GPC5: variants seen among roughly 807,000 people sequenced by gnomAD.
The protein encoded by GPC5 is glypican-5.
Under a neutral mutation model 53.9 loss-of-function variants are expected in GPC5, and 47 were observed. The ratio of observed to expected loss-of-function variants is 0.87; its 90% CI spans 0.69 to 1.11. The LOEUF is 1.11. GPC5 is among the 50% of genes most tolerant of loss of function. The pLI, the probability that GPC5 is intolerant of heterozygous loss-of-function variation, is 0.00. For missense variants in GPC5, 748 were observed against 713.1 expected (o/e 1.05, Z -0.56); for synonymous variants, 286 against 263.3 (o/e 1.09, Z -0.84).
At position 91,952,589 on chromosome 13, in the gene GPC5, TG is replaced by T. The variant is rs1352780658; in HGVS notation, c.1401+44535del. ...ACCTTGAGTTACCAAAAAGAATCTCTGGGAATGAAGCAATAAGGATCCCCCA... is the reference window on the plus strand; with the variant it reads ...ACCTTGAGTTACCAAAAAGAATCTCTGGAATGAAGCAATAAGGATCCCCCA... On this transcript the variant is annotated intron_variant, in intron 6 of 7. Transcript: ENST00000377067. Among the ~76,000 whole-genome samples, 17 of 152,256 alleles carry T rather than the reference TG, an allele frequency of 1.1e-4. No homozygotes were observed. The East Asian group carries it at 3.3e-3, about 29-fold the overall frequency.
chr13:91,402,722 T>C (rs913091338), intron 1 of GPC5, among the ~76,000 whole-genome samples: 1 of 152,236 alleles, frequency 6.6e-6, no homozygotes, highest in African/African-American at 2.4e-5. Context: ...TTGTTTACTG[T>C]CTTGATTTTA....
In GPC5 at chr13:91,728,581, G is replaced by T; in HGVS notation, c.1070G>T (p.Arg357Leu). The change falls in exon 4 of 8, where the codon CGT becomes CTT. Residue 357 changes from arginine to leucine, a missense_variant. Arg to Leu is a moderately radical substitution (Grantham distance 102). Coordinates refer to ENST00000377067, the MANE Select transcript of GPC5 (RefSeq NM_004466.6). ...GTAAGAACACCCACACAAAGCCCCC[G>T]TTGTTCTTTTGATCAGAGCAAAGAG... ...RPVRTPTQSP[R>L]CSFDQSKEKH... The T allele has an allele frequency of 6.2e-7, 1 of 1,612,866 alleles. No individual in the cohort carries two copies. Among genetic ancestry groups the T allele is most frequent in the Non-Finnish European group, 8.5e-7 (1 of 1,179,196 alleles).
At chr13:91,787,569 G>A (rs1288270628) in intron 5 of GPC5, among the ~76,000 whole-genome samples, 2 of 152,082 alleles carry the variant, frequency 1.3e-5, no homozygotes, top group Non-Finnish European at 2.9e-5. Flanking sequence ...GAAAGTAGGG[G>A]GAGAAATATG....
intron 7 of GPC5, among the ~76,000 whole-genome samples, chr13:92,682,838 G>C (rs1414549209): frequency 6.6e-6 from 1 of 152,190 alleles, no homozygotes; most frequent in African/African-American, 2.4e-5. Context: ...AATATAAACT[G>C]AATGGAAAAC....
rs189552745 is a variant in GPC5, at chr13:92,330,013, T to A, written c.1561+185024T>A. On this transcript the variant is annotated intron_variant, in intron 7 of 7. Coordinates refer to ENST00000377067, the MANE Select transcript of GPC5 (RefSeq NM_004466.6). ...AGTTATACAAACAAAACTTTTTTTT[T>A]AAATGCATATTCATGCCCCAAGCCA... Among the ~76,000 whole-genome samples the A allele has an allele frequency of 1.1e-4, 17 of 152,174 alleles. No homozygotes were observed. The East Asian group carries it at 2.9e-3, about 26-fold the overall frequency.
chr13:91,699,174 A>G (rs1347356911), intron 3 of GPC5, among the ~76,000 whole-genome samples: 3 of 152,230 alleles, frequency 2.0e-5, no homozygotes, highest in East Asian at 3.8e-4. Flanking sequence ...AACTTTGGAC[A>G]GAGAAGAGAT....
Position 91,988,296 on chromosome 13 carries a change from G to A in GPC5, c.1401+80239G>A, listed in dbSNP as rs2040427028. Among the ~76,000 whole-genome samples, 3 of 152,130 alleles carry A rather than the reference G, an allele frequency of 2.0e-5. No individual in the cohort carries two copies. The South Asian group carries it at 6.2e-4, about 31-fold the overall frequency. On this transcript the variant is annotated intron_variant, in intron 6 of 7. Coordinates refer to ENST00000377067, the MANE Select transcript of GPC5 (RefSeq NM_004466.6). ...TATGAATATCCTTGTATATGAGAAA[G>A]CCAGAAAGTCAAGGAGACACAGAGA...
At chr13:92,484,528 ACATGTGAGTAATG>A (rs1208683767) in intron 7 of GPC5, 1 of 152,252 alleles carries the variant, frequency 6.6e-6, no homozygotes, top group South Asian at 2.1e-4. Flanking sequence ...ATCACCGTAA[ACATGTGAGTAATG>A]CATTGTGCTC....
At chr13:91,635,375 T>A (rs1371801937) in intron 2 of GPC5, among the ~76,000 whole-genome samples, 1 of 152,118 alleles carries the variant, frequency 6.6e-6, no homozygotes, top group Non-Finnish European at 1.5e-5. Context: ...TCTGCTTGTT[T>A]ACACCTACTA....
chr13:92,679,883 C>A (rs1469257217), intron 7 of GPC5, among the ~76,000 whole-genome samples: 3 of 140,398 alleles, frequency 2.1e-5, no homozygotes, highest in African/African-American at 5.2e-5. Flanking sequence ...CTCTCTCCAC[C>A]CCCCCACCCT....
At chr13:92,281,893 T>A (rs547664564) in intron 7 of GPC5, among the ~76,000 whole-genome samples, 6 of 151,996 alleles carry the variant, frequency 3.9e-5, no homozygotes, top group Non-Finnish European at 8.8e-5. Flanking sequence ...CAAAGCTGTA[T>A]GGAGAATGAC....
At chr13:91,993,684 G>C (rs549432675) in intron 6 of GPC5, among the ~76,000 whole-genome samples, 1 of 152,136 alleles carries the variant, frequency 6.6e-6, no homozygotes, top group South Asian at 2.1e-4. Flanking sequence ...TTTTTTTCAT[G>C]AAAATGAAAT....
chr13:91,406,012 T>A (rs960861552), intron 1 of GPC5, among the ~76,000 whole-genome samples: 1 of 152,168 alleles, frequency 6.6e-6, no homozygotes, highest in African/African-American at 2.4e-5. Flanking sequence ...GCTCAAGCAG[T>A]CTGCATACCT....
intron 6 of GPC5, among the ~76,000 whole-genome samples, chr13:92,031,765 TATATATA>T (rs1335057630): frequency 1.1e-5 from 1 of 90,878 alleles, no homozygotes; most frequent in African/African-American, 5.0e-5. Context: ...TATTACATAT[TATATATA>T]ATATATAATA....
chr13:92,578,101 A>G (rs1481084105), intron 7 of GPC5, among the ~76,000 whole-genome samples: 2 of 152,134 alleles, frequency 1.3e-5, no homozygotes, highest in East Asian at 1.9e-4. Flanking sequence ...TTGGCTCCCA[A>G]TTTCACCCTA....
At chr13:91,975,696 T>G (rs2139099558) in intron 6 of GPC5, among the ~76,000 whole-genome samples, 1 of 152,258 alleles carries the variant, frequency 6.6e-6, no homozygotes, top group South Asian at 2.1e-4. Context: ...ATTCAACCAT[T>G]GTGGAAGTCA....
intron 7 of GPC5, among the ~76,000 whole-genome samples, chr13:92,746,172 A>C (rs2139318417): frequency 6.6e-6 from 1 of 152,218 alleles, no homozygotes; most frequent in Non-Finnish European, 1.5e-5. Context: ...CTAACTTGGT[A>C]AGAGCAAAAG....
chr13:92,068,326 T>C (rs1594751113), intron 6 of GPC5, among the ~76,000 whole-genome samples: 1 of 151,806 alleles, frequency 6.6e-6, no homozygotes, highest in Admixed American at 6.6e-5. Context: ...TATAATTGGG[T>C]ATTGGTAGTG....
chr13:91,577,254 G>A (rs2032172763), intron 2 of GPC5, among the ~76,000 whole-genome samples: 2 of 152,180 alleles, frequency 1.3e-5, no homozygotes, highest in African/African-American at 4.8e-5. Context: ...AATTCAACTT[G>A]GGAAATGTGG....
Sources: allele counts gnomAD v4.1 joint callset (sites outside exome capture counted in the v4.1 genomes callset), GRCh38; gene constraint gnomAD v4.1.1; transcripts MANE v1.5; gene names NCBI Gene and HGNC (gene_info 2026-07-23, HGNC 2026-07-21).